The following GBF1 variants were observed in gnomAD, a reference collection of about 807,000 sequenced individuals.
GBF1 encodes golgi brefeldin A resistant guanine nucleotide exchange factor 1.
In GBF1, 114 loss-of-function variants were observed where a neutral mutation model predicts 210.5. The observed-to-expected ratio is 0.54, with a 90% CI of 0.47 to 0.63. The LOEUF is 0.63. GBF1 is among the 30% of genes least tolerant of loss of function. The pLI is 0.00. For synonymous variants in GBF1, 850 were observed against 889.2 expected (o/e 0.96, Z 0.78); for missense variants, 1,851 against 2,357.7 (o/e 0.79, Z 4.45).
At chr10:102,373,738 A>G (rs557893420) in intron 29 of GBF1, among the ~76,000 whole-genome samples, 76 of 152,322 alleles carry the variant, frequency 5.0e-4, no homozygotes, top group African/African-American at 1.6e-3. Flanking sequence ...ATAAAATGAA[A>G]CATATAATTA....
In GBF1 at chr10:102,326,027, G is replaced by A. The variant is rs573459320; in HGVS notation, c.164-18024G>A. On this transcript the variant is annotated intron_variant, in intron 3 of 39. Transcript: ENST00000369983. The stretch of plus-strand genomic sequence containing the variant: ...AGAGGTCACCTGGCCTATTTTATAC[G>A]GAAAGAACTGTGGCTCGGAAAAGGT... Among the ~76,000 whole-genome samples, 21 of 152,242 alleles carry A rather than the reference G, an allele frequency of 1.4e-4. No homozygotes were observed. The South Asian group carries it at 4.4e-3, about 32-fold the overall frequency.
chr10:102,317,564 G>A (rs1464066469), intron 3 of GBF1, among the ~76,000 whole-genome samples: 2 of 152,026 alleles, frequency 1.3e-5, no homozygotes, highest in Non-Finnish European at 2.9e-5. Flanking sequence ...GGTTGCTGTG[G>A]CCAAAATCAC....
intron 1 of GBF1, among the ~76,000 whole-genome samples, chr10:102,247,624 A>G (rs1328172565): frequency 6.6e-6 from 1 of 152,190 alleles, no homozygotes; most frequent in Non-Finnish European, 1.5e-5. Flanking sequence ...AGAGGCATCA[A>G]AACGTTTTCT....
chr10:102,363,106 T>C lies in GBF1; in HGVS notation c.1877-150T>C. 1.7e-6 allele frequency: 1 copy of C among 589,886 alleles called. No homozygotes were observed. Among genetic ancestry groups the C allele is most frequent in the Non-Finnish European group, 2.9e-6 (1 of 340,462 alleles). 36.5% of individuals were successfully genotyped at this position (589,886 alleles called of 1,614,324 possible). A position where few individuals can be genotyped will look rare whatever the true frequency, so the allele number is the denominator to read the frequency against. ...TCTAATGCTTGGCTGGGACAGGGAC[T>C]ACTTATTTTGGCTTGGGTTTGTCCT... On this transcript the variant is annotated intron_variant, in intron 15 of 39. Transcript: ENST00000369983. This position sits in a 1 kb window ranked among gnomAD's most constrained non-coding sequence, Gnocchi z 4.2.
chr10:102,376,895 T>C lies in GBF1; in HGVS notation c.4289-40T>C. 4 of 1,610,310 alleles carry C rather than the reference T, an allele frequency of 2.5e-6. No homozygotes were observed. The South Asian group carries it at 4.4e-5, about 18-fold the overall frequency. ...AGAAAAGGCAGGGTATCTATGCCTA[T>C]ATAGACACAGAAATGTGACCTGAGT... On this transcript the variant is annotated intron_variant, in intron 32 of 39. Transcript: ENST00000369983.
rs1655774096 is a variant in GBF1, at chr10:102,343,525, A to G, written c.164-526A>G. Among the ~76,000 whole-genome samples, 4 of 152,214 alleles carry G rather than the reference A, an allele frequency of 2.6e-5. No homozygotes were observed. In the South Asian group the frequency reaches 8.3e-4, roughly 32 times the overall value. ...TTAACTGTTTGTTAACTCTTTAAGC[A>G]TAATATTGTGGGCCAGGCACGGTGG... is the stretch of plus-strand genomic sequence containing the variant. On this transcript the variant is annotated intron_variant, in intron 3 of 39. Transcript: ENST00000369983.
intron 3 of GBF1, among the ~76,000 whole-genome samples, chr10:102,303,162 A>G (rs951208563): frequency 6.6e-6 from 1 of 151,820 alleles, no homozygotes; most frequent in South Asian, 2.1e-4. Context: ...TAATTTTTGT[A>G]TTTTAGGTAG....
chr10:102,336,344 T>C (rs1032652836), intron 3 of GBF1, among the ~76,000 whole-genome samples: 2 of 148,376 alleles, frequency 1.3e-5, no homozygotes, highest in African/African-American at 4.9e-5. Flanking sequence ...AATGAACTGG[T>C]ATACAATATA....
In GBF1 at chr10:102,370,156, CTCTT is replaced by C; in HGVS notation, c.3340-16_3340-13del. 6.3e-7 allele frequency: 1 copy of C among 1,598,522 alleles called. No homozygotes were observed. The stretch of plus-strand genomic sequence containing the variant: ...TCAGCCTTTGTCAAAGACCCCCTCT[CTCTT>C]TTGCCCTCTCTAGCAATGTGACCCA... On this transcript the variant is annotated splice_polypyrimidine_tract_variant and intron_variant, in intron 26 of 39. Transcript: ENST00000369983.
chr10:102,353,082 A>T (rs1391881598), intron 7 of GBF1, among the ~76,000 whole-genome samples: 1 of 152,102 alleles, frequency 6.6e-6, no homozygotes, highest in African/African-American at 2.4e-5. Context: ...CAATGGCTTT[A>T]AACCTTCCTC....
chr10:102,368,917 G>A (rs1465289160), intron 23 of GBF1, 85 bp downstream of exon 23: 5 of 956,824 alleles, frequency 5.2e-6, no homozygotes. Context: ...CAACAGACCT[G>A]GTTGCCCTCA....
chr10:102,319,864 G>T (rs923083743), intron 3 of GBF1, among the ~76,000 whole-genome samples: 1 of 151,516 alleles, frequency 6.6e-6, no homozygotes. Flanking sequence ...GAGTAGCTGG[G>T]ATTACAGGTG....
At chr10:102,369,463 T>A in intron 24 of GBF1, 76 bp downstream of exon 24, 1 of 1,221,934 alleles carries the variant, frequency 8.2e-7, no homozygotes, top group Non-Finnish European at 1.2e-6. Context: ...TACATAGAAG[T>A]AAGTGGTTGA....
chr10:102,307,664 G>A (rs2078019672), intron 3 of GBF1, among the ~76,000 whole-genome samples: 1 of 152,074 alleles, frequency 6.6e-6, no homozygotes, highest in Non-Finnish European at 1.5e-5. Flanking sequence ...GGTGGCGGGT[G>A]CCTATAGTCC....
intron 2 of GBF1, among the ~76,000 whole-genome samples, chr10:102,259,419 T>G (rs963517334): frequency 6.6e-6 from 1 of 152,194 alleles, no homozygotes; most frequent in Non-Finnish European, 1.5e-5. Context: ...GTGATGGTAC[T>G]CCTTCTTGGG....
chr10:102,368,484 TC>T, intron 22 of GBF1, 30 bp downstream of exon 22: 1 of 1,169,486 alleles, frequency 8.6e-7, no homozygotes, highest in Non-Finnish European at 1.3e-6. Flanking sequence ...GGTCTTCACC[TC>T]CCACTAGCTC....
At chr10:102,259,938 A>G in intron 2 of GBF1, 112 bp from the exon 3 acceptor site, 1 of 650,392 alleles carries the variant, frequency 1.5e-6, no homozygotes, top group South Asian at 1.8e-5. Flanking sequence ...TCAGAAGGAA[A>G]ACTTAAATGA....
intron 3 of GBF1, among the ~76,000 whole-genome samples, chr10:102,282,287 A>G (rs932960183): frequency 1.3e-5 from 2 of 152,122 alleles, no homozygotes; most frequent in African/African-American, 4.8e-5. Flanking sequence ...CTGTGCCTTT[A>G]TTAATATTCC....
the GBF1 span, among the ~76,000 whole-genome samples, chr10:102,238,569 C>G: frequency 2.6e-5 from 4 of 152,314 alleles, no homozygotes; most frequent in Middle Eastern, 6.8e-3. Context: ...TTAGGCTGCT[C>G]TAAGTCTCAG....
Sources: gnomAD v4.1 joint callset for allele counts (sites outside exome capture counted in the v4.1 genomes callset) on GRCh38, gnomAD v4.1.1 for gene constraint, Gnocchi (gnomAD v3.1) non-coding constraint, MANE v1.5 for transcripts, NCBI Gene and HGNC (gene_info 2026-07-23, HGNC 2026-07-21) for gene names.